MPP7: variants seen among roughly 807,000 people sequenced by gnomAD.
MPP7 encodes MAGUK p55 subfamily member 7.
MPP7 carries 60 observed loss-of-function variants against 76.5 expected under a neutral mutation model. The observed-to-expected ratio is 0.78, with a 90% CI of 0.64 to 0.97. The LOEUF is 0.97. MPP7 is among the 50% of genes least tolerant of loss of function. MPP7 has a pLI of 0.00. For missense variants in MPP7, 641 were observed against 694.0 expected (o/e 0.92, Z 0.86); for synonymous variants, 237 against 244.5 (o/e 0.97, Z 0.29).
At chr10:28,109,969 A>G (rs1204033456) in intron 11 of MPP7, among the ~76,000 whole-genome samples, 1 of 150,656 alleles carries the variant, frequency 6.6e-6, no homozygotes, top group Non-Finnish European at 1.5e-5. Flanking sequence ...GTTTAAAGTG[A>G]TATTTTTAAA....
chr10:28,289,728 T>C (rs1840869105), intron 1 of MPP7, among the ~76,000 whole-genome samples: 1 of 152,130 alleles, frequency 6.6e-6, no homozygotes, highest in Admixed American at 6.5e-5. Context: ...AGAAAAGGTT[T>C]TAGGGGCAGG....
chr10:28,112,432 C>T (rs1360339177), intron 11 of MPP7, among the ~76,000 whole-genome samples: 1 of 152,050 alleles, frequency 6.6e-6, no homozygotes, highest in Non-Finnish European at 1.5e-5. Context: ...AACACCAATG[C>T]CAATCCACAA....
At position 28,120,344 on chromosome 10, in the gene MPP7, G is replaced by A. The variant is rs1403733848; in HGVS notation, c.737C>T (p.Ala246Val). 1 of 1,613,928 alleles carries A rather than the reference G, an allele frequency of 6.2e-7. No individual in the cohort carries two copies. The highest frequency in any genetic ancestry group is 2.2e-5 in the East Asian group (1 of 44,876). Residue 246 changes from alanine (A) to valine (V), a missense_variant, in exon 10 of 17, where the codon GCA becomes GTA. Coordinates refer to ENST00000683449, the MANE Select transcript of MPP7 (RefSeq NM_001318170.2). ...AAGCCCAGCTTCCTTACATGGAATT[G>A]CCTTATCCTCATTAGGATTATAGTC... ...LFDYNPNEDK[A>V]IPCKEAGLSF...
intron 1 of MPP7, among the ~76,000 whole-genome samples, chr10:28,257,947 T>C (rs932438309): frequency 3.7e-4 from 56 of 152,158 alleles, no homozygotes; most frequent in African/African-American, 1.2e-3. Flanking sequence ...GGGCAGACAT[T>C]CTGCGGGGAG....
intron 3 of MPP7, among the ~76,000 whole-genome samples, chr10:28,200,726 C>T (rs1410321313): frequency 1.3e-5 from 2 of 152,124 alleles, no homozygotes; most frequent in East Asian, 1.9e-4. Flanking sequence ...CTCAGATCTT[C>T]GCTATTTTAT....
At chr10:28,114,781 G>C (rs1221887367) in intron 11 of MPP7, among the ~76,000 whole-genome samples, 3 of 152,106 alleles carry the variant, frequency 2.0e-5, no homozygotes, top group African/African-American at 7.2e-5. Context: ...TGAGTCCCCA[G>C]GACAAAATAC....
At chr10:28,108,935 C>A (rs540341407) in intron 11 of MPP7, among the ~76,000 whole-genome samples, 2 of 152,064 alleles carry the variant, frequency 1.3e-5, no homozygotes, top group East Asian at 3.9e-4. Flanking sequence ...ATATTTGGGG[C>A]TGTTCAGTCA....
Position 28,202,258 on chromosome 10 carries a change from C to G in MPP7, c.51G>C (p.Leu17=), listed in dbSNP as rs759343858. 3.1e-6 allele frequency: 5 copies of G among 1,609,048 alleles called. No homozygotes were observed. The Admixed American group carries it at 8.4e-5, about 27-fold the overall frequency. ...GCAGCTGGGCTGGCAGAGCAGCCAA[C>G]AGCTCATACAGACCTATAAAATGAA... ...GSGSDTGLYE[L]LAALPAQLQP... Residue 17 remains leucine (L), a synonymous_variant, in exon 3 of 17, where the codon CTG becomes CTC. Transcript: ENST00000683449.
chr10:28,103,075 C>T (rs563056463), intron 11 of MPP7, among the ~76,000 whole-genome samples: 1 of 152,332 alleles, frequency 6.6e-6, no homozygotes, highest in East Asian at 1.9e-4. Flanking sequence ...ATCTTTAGGG[C>T]CTTTGCACAC....
At chr10:28,181,600 GC>G (rs1837061920) in intron 3 of MPP7, among the ~76,000 whole-genome samples, 1 of 152,184 alleles carries the variant, frequency 6.6e-6, no homozygotes, top group Admixed American at 6.5e-5. Flanking sequence ...AACAAACTGG[GC>G]AAGACAGAGC....
At chr10:28,221,598 T>C (rs1838509159) in intron 2 of MPP7, among the ~76,000 whole-genome samples, 1 of 152,168 alleles carries the variant, frequency 6.6e-6, no homozygotes, top group African/African-American at 2.4e-5. Context: ...ATAATCTCAT[T>C]ACATCCAAAT....
At chr10:28,255,655 T>G (rs574629909) in intron 1 of MPP7, among the ~76,000 whole-genome samples, 1 of 152,246 alleles carries the variant, frequency 6.6e-6, no homozygotes, top group African/African-American at 2.4e-5. Flanking sequence ...TCCACCTGCC[T>G]CAGCCTCCCA....
intron 2 of MPP7, among the ~76,000 whole-genome samples, chr10:28,319,268 C>T (rs1564771763): frequency 6.6e-6 from 1 of 152,178 alleles, no homozygotes; most frequent in Non-Finnish European, 1.5e-5. Flanking sequence ...GGAAAATCCA[C>T]CCCATGATCC....
chr10:28,073,252 T>C (rs531252653), intron 12 of MPP7, among the ~76,000 whole-genome samples: 4 of 152,258 alleles, frequency 2.6e-5, no homozygotes, highest in African/African-American at 9.6e-5. Context: ...TCTTCAGATC[T>C]ATCAGATCTA....
chr10:28,202,364 A>G (rs1431289924), intron 2 of MPP7, 93 bp from the exon 3 acceptor site: 4 of 760,452 alleles, frequency 5.3e-6, no homozygotes, highest in Admixed American at 2.7e-5. Context: ...GAACATGCCA[A>G]TTTTACTGGA....
At position 28,211,277 on chromosome 10, in the gene MPP7, A is replaced by G. The variant is rs188384861; in HGVS notation, c.38-9006T>C. Among the ~76,000 whole-genome samples, 666 of 152,148 alleles carry G rather than the reference A, an allele frequency of 4.4e-3. 5 individuals carry two copies. The highest frequency in any genetic ancestry group is 0.016 in the African/African-American group (645 of 41,542). ...CTGCACCTGGTATCATTGTCCTTAC[A>G]GATAAAGGTATATGTGCTTTTCCCC... On this transcript the variant is annotated intron_variant, in intron 2 of 16. Coordinates refer to ENST00000683449, the MANE Select transcript of MPP7 (RefSeq NM_001318170.2).
At chr10:28,291,466 G>A (rs1840918041) in intron 1 of MPP7, among the ~76,000 whole-genome samples, 1 of 152,198 alleles carries the variant, frequency 6.6e-6, no homozygotes, top group Non-Finnish European at 1.5e-5. Flanking sequence ...TTAGCCAGGT[G>A]TGGTAGCACA....
chr10:28,164,500 T>TA (rs1042805671), intron 3 of MPP7, among the ~76,000 whole-genome samples: 1 of 152,008 alleles, frequency 6.6e-6, no homozygotes, highest in African/African-American at 2.4e-5. Context: ...AGAAGGCAGG[T>TA]AGTCACCCGA....
intron 2 of MPP7, chr10:28,203,260 G>A (rs1837839574): frequency 1.3e-5 from 2 of 152,168 alleles, no homozygotes; most frequent in Admixed American, 1.3e-4. Flanking sequence ...AAGTGCTGCT[G>A]TTCATCACAG....
Sources: allele counts gnomAD v4.1 joint callset (sites outside exome capture counted in the v4.1 genomes callset), GRCh38; gene constraint gnomAD v4.1.1; transcripts MANE v1.5; gene names NCBI Gene and HGNC (gene_info 2026-07-23, HGNC 2026-07-21).